NFATC2: variants seen among roughly 807,000 people sequenced by gnomAD.
NFATC2 encodes nuclear factor of activated T-cells, cytoplasmic 2.
In NFATC2, 22 loss-of-function variants were observed where a neutral mutation model predicts 87.3. That is an observed-to-expected ratio of 0.25 (90% CI 0.18 to 0.36). The LOEUF is 0.36. Ranked by LOEUF, NFATC2 falls within the 10% of genes least tolerant of loss-of-function variation. The pLI is 1.00. For missense variants in NFATC2, 1,149 were observed against 1,259.1 expected, an observed-to-expected ratio of 0.91 and a Z score of 1.32; for synonymous variants, 565 against 542.2, an observed-to-expected ratio of 1.04 and a Z score of -0.58.
At chr20:51,522,989 C>T (rs2076473348) in intron 2 of NFATC2, 92 bp downstream of exon 2, 10 of 1,541,994 alleles carry the variant, frequency 6.5e-6, no homozygotes, top group South Asian at 4.7e-5. Flanking sequence ...TAAAGTCAGT[C>T]TTAAACCTGA....
chr20:51,425,230 A>G (rs1484338631), intron 9 of NFATC2, among the ~76,000 whole-genome samples: 1 of 152,216 alleles, frequency 6.6e-6, no homozygotes, highest in African/African-American at 2.4e-5. Flanking sequence ...ATAGGAACAT[A>G]TTACCTATAT....
chr20:51,426,604 A>C (rs185808220), intron 9 of NFATC2, among the ~76,000 whole-genome samples: 2,779 of 152,330 alleles, frequency 0.018, 52 homozygotes, highest in Non-Finnish European at 0.025. Context: ...CTCATTCTAC[A>C]GATGGGGACA....
chr20:51,475,752 G>C (rs1289955095), intron 3 of NFATC2, 92 bp from the exon 4 acceptor site: 2 of 1,189,068 alleles, frequency 1.7e-6, no homozygotes, highest in Non-Finnish European at 2.4e-6. Context: ...ATGGGCAGTA[G>C]AGAGACTATG....
chr20:51,523,959 C>T lies in NFATC2; in HGVS notation c.282G>A (p.Pro94=), dbSNP rs1463199329. 3 of 1,588,436 alleles carry T rather than the reference C, an allele frequency of 1.9e-6. No individual in the cohort carries two copies. Among genetic ancestry groups the T allele is most frequent in the African/African-American group, 2.7e-5 (2 of 73,042 alleles). Residue 94 remains proline (P), a synonymous_variant, in exon 2 of 11, where the codon CCG becomes CCA. Coordinates refer to ENST00000371564, the MANE Select transcript of NFATC2 (RefSeq NM_012340.5). The surrounding 1 kb of genome is among the most constrained non-coding windows in gnomAD (Gnocchi z 6.9). ...GCTTGGCCGCGCTCAGAAACTTCTG[C>T]GGCCCTACCCTATCCGGCTCTCCGA... ...GRFGEPDRVG[P]QKFLSAAKPA...
rs57194077 is a variant in NFATC2, at chr20:51,474,974, T to TA, written c.1535+483_1535+484insT. 6.5e-3 allele frequency among the ~76,000 whole-genome samples: 985 copies of TA among 150,826 alleles called. 9 individuals carry two copies. The highest frequency in any genetic ancestry group is 0.018 in the African/African-American group (744 of 41,252). ...ACTGACATATTATACTTTATTTATT[T>TA]TTTTTTTTTTTTGAGACAGAGTCTC... On this transcript the variant is annotated intron_variant, in intron 4 of 10. Coordinates refer to ENST00000371564, the MANE Select transcript of NFATC2 (RefSeq NM_012340.5).
upstream of NFATC2, among the ~76,000 whole-genome samples, chr20:51,547,714 C>T (rs930251810): frequency 6.6e-6 from 1 of 152,222 alleles, no homozygotes; most frequent in Admixed American, 6.5e-5. Context: ...TCAAGTATTG[C>T]TCTGCCTGTA....
rs1217122793 is a variant in NFATC2 at position 51,562,454 on chromosome 20, G to T, written c.70+106C>A. ...GGCGAGCGGGGTCCCCAGGCCTCCCGCACCGACCTCTGCCGGGAGCTGAAA... is the reference window on the plus strand; with the variant it reads ...GGCGAGCGGGGTCCCCAGGCCTCCCTCACCGACCTCTGCCGGGAGCTGAAA... On this transcript the variant is annotated intron_variant, in intron 1 of 10. Coordinates refer to the NFATC2 transcript ENST00000414705. This position sits in a 1 kb window ranked among gnomAD's most constrained non-coding sequence, Gnocchi z 5.8. The T allele has an allele frequency of 1.1e-5, 12 of 1,071,950 alleles. No homozygotes were observed. The highest frequency in any genetic ancestry group is 1.5e-5 in the Non-Finnish European group (11 of 733,586). 66.4% of individuals were successfully genotyped at this position (1,071,950 alleles called of 1,614,324 possible).
intron 6 of NFATC2, among the ~76,000 whole-genome samples, chr20:51,443,942 T>C (rs1984706418): frequency 6.7e-6 from 1 of 150,356 alleles, no homozygotes; most frequent in African/African-American, 2.4e-5. Flanking sequence ...ACAAAAAAAA[T>C]AGGGTGGGGG....
At chr20:51,458,497 T>TAA (rs112211646) in intron 5 of NFATC2, among the ~76,000 whole-genome samples, 2 of 144,588 alleles carry the variant, frequency 1.4e-5, no homozygotes, top group African/African-American at 2.5e-5. Flanking sequence ...GTTTTTATCT[T>TAA]AAAAAAAAAA....
chr20:51,414,844 G>A (rs1048305611), intron 9 of NFATC2, among the ~76,000 whole-genome samples: 6 of 152,140 alleles, frequency 3.9e-5, no homozygotes, highest in Non-Finnish European at 5.9e-5. Context: ...ACACACAGCC[G>A]GAAACACAGC....
chr20:51,417,631 A>C (rs976225316), intron 9 of NFATC2, among the ~76,000 whole-genome samples: 1 of 152,064 alleles, frequency 6.6e-6, no homozygotes, highest in African/African-American at 2.4e-5. Flanking sequence ...CACCCCCAAC[A>C]TCTGAAATTC....
chr20:51,393,235 C>T (rs1986575735), intron 10 of NFATC2, among the ~76,000 whole-genome samples: 1 of 145,388 alleles, frequency 6.9e-6, no homozygotes, highest in South Asian at 2.2e-4. Context: ...TCTGCCACTT[C>T]CTTGCTTGGT....
intron 1 of NFATC2, among the ~76,000 whole-genome samples, chr20:51,551,816 A>G (rs768101470): frequency 6.6e-6 from 1 of 151,082 alleles, no homozygotes; most frequent in African/African-American, 2.4e-5. Context: ...TCATGAGGTC[A>G]GGAGATCAAG....
At chr20:51,391,475 G>T (rs770484305) in intron 10 of NFATC2, 24 bp from the exon 11 acceptor site, 4 of 1,588,004 alleles carry the variant, frequency 2.5e-6, no homozygotes, top group Non-Finnish European at 3.4e-6. Context: ...GAGGAGGGGG[G>T]GGGAGAGAGA....
intron 9 of NFATC2, among the ~76,000 whole-genome samples, chr20:51,422,298 G>A (rs1981050393): frequency 1.3e-5 from 2 of 152,178 alleles, no homozygotes; most frequent in Admixed American, 6.5e-5. Context: ...AAAGGGATGA[G>A]ACAGATGTCA....
At chr20:51,492,487 G>A (rs2075910153) in intron 3 of NFATC2, among the ~76,000 whole-genome samples, 1 of 152,194 alleles carries the variant, frequency 6.6e-6, no homozygotes, top group Non-Finnish European at 1.5e-5. Context: ...CAAAAACCCC[G>A]CCCAGCCTCA....
chr20:51,396,820 A>ATCTTC (rs1267256117), intron 10 of NFATC2, among the ~76,000 whole-genome samples: 1 of 152,066 alleles, frequency 6.6e-6, no homozygotes, highest in Non-Finnish European at 1.5e-5. Context: ...CCTCTCTGGG[A>ATCTTC]TCTTCTGCCT....
At chr20:51,471,378 C>T (rs1430574538) in intron 5 of NFATC2, among the ~76,000 whole-genome samples, 1 of 152,186 alleles carries the variant, frequency 6.6e-6, no homozygotes, top group East Asian at 1.9e-4. Context: ...AAACCAAGAC[C>T]TTGGTGGGGC....
chr20:51,431,987 A>G, intron 9 of NFATC2, 80 bp downstream of exon 9: 1 of 1,392,194 alleles, frequency 7.2e-7, no homozygotes. Context: ...CGGAATCCGT[A>G]GGCCATGCAG....
Sources: allele counts gnomAD v4.1 joint callset (sites outside exome capture counted in the v4.1 genomes callset), GRCh38; gene constraint gnomAD v4.1.1; non-coding constraint Gnocchi (gnomAD v3.1); transcripts MANE v1.5; gene names NCBI Gene and HGNC (gene_info 2026-07-23, HGNC 2026-07-21).